The following AKT2 variants were observed in gnomAD, a reference collection of about 807,000 sequenced individuals.
AKT2 encodes AKT serine/threonine kinase 2.
In AKT2, 16 loss-of-function variants were observed where a neutral mutation model predicts 58.6. The ratio of observed to expected loss-of-function variants is 0.27; its 90% CI spans 0.18 to 0.41. The LOEUF (loss-of-function observed/expected upper bound fraction) is 0.41. Ranked by LOEUF, AKT2 falls within the 10% of genes least tolerant of loss-of-function variation. AKT2 has a pLI of 1.00. For missense variants in AKT2, 438 were observed against 661.0 expected (o/e 0.66, Z 3.70); for synonymous variants, 253 against 254.0 (o/e 1.00, Z 0.04).
intron 2 of AKT2, among the ~76,000 whole-genome samples, chr19:40,262,421 C>A (rs1234378188): frequency 1.3e-5 from 2 of 152,158 alleles, no homozygotes; most frequent in East Asian, 1.9e-4. Context: ...ACTACTATAC[C>A]GTCTGCCTCT....
At chr19:40,283,847 A>G (rs2077466663) in intron 1 of AKT2, among the ~76,000 whole-genome samples, 1 of 152,206 alleles carries the variant, frequency 6.6e-6, no homozygotes, top group South Asian at 2.1e-4. Context: ...AACAGCTGGG[A>G]AAACAGCTCC....
rs1268904577 is a variant in AKT2 at position 40,230,496 on chromosome 19, C to T, written c.*3376G>A. 2 of 226,594 alleles carry T rather than the reference C, an allele frequency of 8.8e-6. No individual in the cohort carries two copies. Among genetic ancestry groups the T allele is most frequent in the South Asian group, 1.8e-4 (1 of 5,442 alleles). 14.0% of individuals were successfully genotyped at this position (226,594 alleles called of 1,614,324 possible). A position where few individuals can be genotyped will look rare whatever the true frequency, so the allele number is the denominator to read the frequency against. ...TAAAAGGGAATCGCACTGCCGCCCC[C>T]GACTCCACACAACCATCAGTGCACG... On this transcript the variant is annotated 3_prime_UTR_variant, in exon 14 of 14. Coordinates refer to ENST00000392038, the MANE Select transcript of AKT2 (RefSeq NM_001626.6).
At chr19:40,275,122 G>A (rs1274566982) in intron 1 of AKT2, 5 of 456,652 alleles carry the variant, frequency 1.1e-5, no homozygotes, top group Non-Finnish European at 2.2e-5. Flanking sequence ...AGACAGCAGG[G>A]ACACAGCCAA....
At chr19:40,275,305 A>G (rs2077293160) in intron 1 of AKT2, 1 of 456,642 alleles carries the variant, frequency 2.2e-6, no homozygotes, top group South Asian at 1.5e-5. Context: ...GTTGGACTGC[A>G]TGGGGAATCC....
At chr19:40,281,342 A>C (rs1024648103) in intron 1 of AKT2, among the ~76,000 whole-genome samples, 1 of 152,160 alleles carries the variant, frequency 6.6e-6, no homozygotes, top group African/African-American at 2.4e-5. Context: ...AAATTTAAAA[A>C]TTAGCTAGGC....
At chr19:40,275,703 A>G (rs985128301) in intron 1 of AKT2, among the ~76,000 whole-genome samples, 2 of 145,254 alleles carry the variant, frequency 1.4e-5, no homozygotes, top group African/African-American at 5.1e-5. Context: ...TAAAACTTAA[A>G]AAGCCATATG....
intron 1 of AKT2, chr19:40,275,204 G>T: frequency 2.2e-6 from 1 of 456,842 alleles, no homozygotes; most frequent in South Asian, 1.5e-5. Flanking sequence ...CAAGAGACAG[G>T]GCCACCTCCC....
intron 1 of AKT2, among the ~76,000 whole-genome samples, chr19:40,280,990 C>G (rs2077413228): frequency 6.6e-6 from 1 of 152,240 alleles, no homozygotes. Flanking sequence ...AGTACTGATG[C>G]AACGCTGGCA....
At chr19:40,273,058 C>G (rs915615762) in intron 1 of AKT2, among the ~76,000 whole-genome samples, 9 of 152,178 alleles carry the variant, frequency 5.9e-5, no homozygotes, top group Non-Finnish European at 2.9e-5. Flanking sequence ...ATATTATCAT[C>G]ACTGGCCAGG....
intron 1 of AKT2, among the ~76,000 whole-genome samples, chr19:40,267,962 GA>G (rs1976483279): frequency 6.6e-6 from 1 of 152,206 alleles, no homozygotes; most frequent in Non-Finnish European, 1.5e-5. Context: ...AACACATGAG[GA>G]AATGTATTTC....
Position 40,234,600 on chromosome 19 carries a change from G to C in AKT2, c.1366+445C>G, listed in dbSNP as rs1291779815. The C allele has an allele frequency of 2.6e-5, 11 of 430,724 alleles. No homozygotes were observed. Among genetic ancestry groups the C allele is most frequent in the Non-Finnish European group, 4.1e-6 (1 of 243,660 alleles). The allele number at this position is 430,724 out of a possible 1,614,324, so 26.7% of individuals were successfully genotyped here. A position where few individuals can be genotyped will look rare whatever the true frequency, so the allele number is the denominator to read the frequency against. Reference sequence around the variant, plus strand: ...CAGGCCAGGTCGGATATTTCCTCTGGGATTCCCCAGTCCCTGGCCTCCCAC... The same window carrying C: ...CAGGCCAGGTCGGATATTTCCTCTGCGATTCCCCAGTCCCTGGCCTCCCAC... On this transcript the variant is annotated intron_variant, in intron 13 of 13. Transcript: ENST00000392038. The surrounding 1 kb of genome is among the most constrained non-coding windows in gnomAD (Gnocchi z 4.7).
At chr19:40,255,355 G>T in intron 3 of AKT2, 86 bp from the exon 4 acceptor site, 4 of 1,064,142 alleles carry the variant, frequency 3.8e-6, no homozygotes, top group Non-Finnish European at 4.4e-6. Context: ...ACCTCCCACA[G>T]GCCTAGCCCC....
intron 2 of AKT2, among the ~76,000 whole-genome samples, chr19:40,257,915 C>T (rs1975654539): frequency 6.6e-6 from 1 of 152,150 alleles, no homozygotes; most frequent in African/African-American, 2.4e-5. Context: ...ATTATGACTC[C>T]ATTTATATAA....
chr19:40,245,475 CA>C (rs1302430765), intron 4 of AKT2, among the ~76,000 whole-genome samples: 1 of 152,144 alleles, frequency 6.6e-6, no homozygotes, highest in Non-Finnish European at 1.5e-5. Context: ...CACATAGGCA[CA>C]AACATCTCCA....
chr19:40,236,721 TC>T (rs1974055750), intron 9 of AKT2: 1 of 366,352 alleles, frequency 2.7e-6, no homozygotes, highest in African/African-American at 2.1e-5. Flanking sequence ...AGACTTTCTG[TC>T]CTTTAATTAT....
rs544709571 is a variant in AKT2 at position 40,234,515 on chromosome 19, C to G, written c.1366+530G>C. The G allele has an allele frequency of 3.6e-6, 1 of 278,000 alleles. No individual in the cohort carries two copies. The highest frequency in any genetic ancestry group is 6.8e-6 in the Non-Finnish European group (1 of 147,504). 17.2% of individuals were successfully genotyped at this position (278,000 alleles called of 1,614,324 possible). A position where few individuals can be genotyped will look rare whatever the true frequency, so the allele number is the denominator to read the frequency against. ...CTTCTCCCATTGCTGGCATCCCACA[C>G]GTCATTCCTCCGGCCAGCTGACACG... is the stretch of plus-strand genomic sequence containing the variant. On this transcript the variant is annotated intron_variant, in intron 13 of 13. Coordinates refer to ENST00000392038, the MANE Select transcript of AKT2 (RefSeq NM_001626.6). This position sits in a 1 kb window ranked among gnomAD's most constrained non-coding sequence, Gnocchi z 4.7.
chr19:40,233,018 C>A lies in AKT2; in HGVS notation c.*854G>T, dbSNP rs552249455. ...AACAGCCAAGGCTGGTGGCCCTCCACCCCCGCAGAGGAGAGGGTGAGCCCA... is the reference window on the plus strand; with the variant it reads ...AACAGCCAAGGCTGGTGGCCCTCCAACCCCGCAGAGGAGAGGGTGAGCCCA... On this transcript the variant is annotated 3_prime_UTR_variant, in exon 14 of 14. Coordinates refer to ENST00000392038, the MANE Select transcript of AKT2 (RefSeq NM_001626.6). The surrounding 1 kb of genome is among the most constrained non-coding windows in gnomAD (Gnocchi z 4.3). The A allele has an allele frequency of 7.4e-4, 174 of 233,802 alleles. No individual in the cohort carries two copies. Among genetic ancestry groups the A allele is most frequent in the African/African-American group, 3.7e-3 (166 of 45,366 alleles). 14.5% of individuals were successfully genotyped at this position (233,802 alleles called of 1,614,324 possible). A position where few individuals can be genotyped will look rare whatever the true frequency, so the allele number is the denominator to read the frequency against.
At chr19:40,281,478 G>C (rs770368122) in intron 1 of AKT2, among the ~76,000 whole-genome samples, 1 of 151,976 alleles carries the variant, frequency 6.6e-6, no homozygotes, top group Non-Finnish European at 1.5e-5. Context: ...GGTGACAGAG[G>C]GAGGCCCTGT....
intron 1 of AKT2, among the ~76,000 whole-genome samples, chr19:40,283,664 T>G (rs2077463450): frequency 1.3e-5 from 2 of 152,136 alleles, no homozygotes; most frequent in African/African-American, 4.8e-5. Context: ...GCAGGGACAC[T>G]GGCCACAGAC....
Sources: allele counts gnomAD v4.1 joint callset (sites outside exome capture counted in the v4.1 genomes callset), GRCh38; gene constraint gnomAD v4.1.1; non-coding constraint Gnocchi (gnomAD v3.1); transcripts MANE v1.5; gene names NCBI Gene and HGNC (gene_info 2026-07-23, HGNC 2026-07-21).